Variants in PLCL1 observed in about 807,000 individuals in gnomAD.
PLCL1 encodes inactive phospholipase C-like protein 1.
Under a neutral mutation model 84.4 loss-of-function variants are expected in PLCL1, and 41 were observed. The ratio of observed to expected loss-of-function variants is 0.49; its 90% CI spans 0.38 to 0.63. The LOEUF is 0.63. Among genes scored for constraint, PLCL1 ranks in the 30% least tolerant of loss-of-function variants. The probability of loss-of-function intolerance (pLI) is 0.00; values close to 1 mark genes in which losing one functional copy is unlikely to be tolerated. For synonymous variants in PLCL1, 490 were observed against 488.3 expected (o/e 1.00, Z -0.05); for missense variants, 1,206 against 1,367.8 (o/e 0.88, Z 1.87).
intron 1 of PLCL1, among the ~76,000 whole-genome samples, chr2:197,990,133 C>T (rs1384955441): frequency 6.6e-6 from 1 of 151,984 alleles, no homozygotes; most frequent in East Asian, 1.9e-4. Flanking sequence ...GAGCAGCAGA[C>T]CACTTGAGGA....
intron 1 of PLCL1, among the ~76,000 whole-genome samples, chr2:197,996,589 G>T (rs1311705724): frequency 6.6e-6 from 1 of 151,634 alleles, no homozygotes; most frequent in African/African-American, 2.4e-5. Flanking sequence ...ACCTAAAACT[G>T]CTCTAAAAAT....
At chr2:198,067,348 G>A (rs140533068) in intron 1 of PLCL1, among the ~76,000 whole-genome samples, 4,555 of 151,888 alleles carry the variant, frequency 0.03, 104 homozygotes, top group Middle Eastern at 0.068. Flanking sequence ...GGCTGGTCTC[G>A]AACTCCTAAC....
intron 1 of PLCL1, among the ~76,000 whole-genome samples, chr2:197,965,913 C>T (rs140110468): frequency 1.4e-3 from 214 of 152,140 alleles, no homozygotes; most frequent in Non-Finnish European, 2.5e-3. Flanking sequence ...GTTAGAGTCT[C>T]ACCCAAGGCC....
At chr2:197,970,347 G>A (rs1689836110) in intron 1 of PLCL1, among the ~76,000 whole-genome samples, 1 of 152,190 alleles carries the variant, frequency 6.6e-6, no homozygotes, top group Non-Finnish European at 1.5e-5. Flanking sequence ...ATTCATGAGA[G>A]TGCAGTCCCC....
At chr2:197,903,205 A>T (rs1688301128) in intron 1 of PLCL1, among the ~76,000 whole-genome samples, 1 of 152,148 alleles carries the variant, frequency 6.6e-6, no homozygotes, top group Admixed American at 6.5e-5. Context: ...GGATTTTCAG[A>T]ACATATGATC....
At chr2:197,974,992 T>A (rs1259601270) in intron 1 of PLCL1, among the ~76,000 whole-genome samples, 2 of 151,400 alleles carry the variant, frequency 1.3e-5, no homozygotes, top group Admixed American at 1.3e-4. Flanking sequence ...ATACAAAAAA[T>A]TAGCCGGGCG....
rs551208398 is a variant in PLCL1, at chr2:197,810,669, A to C, written c.240+5330A>C. On this transcript the variant is annotated intron_variant, in intron 1 of 5. Coordinates refer to ENST00000428675, the MANE Select transcript of PLCL1 (RefSeq NM_006226.4). ...GCCGACCTTACCTTGGTGCTACTGA[A>C]CAAGCAATTCATTAACTGCTTCTAG... Among the ~76,000 whole-genome samples the C allele has an allele frequency of 1.1e-4, 17 of 152,340 alleles. No individual in the cohort carries two copies. The South Asian group carries it at 3.5e-3, about 32-fold the overall frequency.
chr2:198,024,639 T>C (rs1229008830), intron 1 of PLCL1, among the ~76,000 whole-genome samples: 1 of 152,026 alleles, frequency 6.6e-6, no homozygotes, highest in Non-Finnish European at 1.5e-5. Flanking sequence ...GACACATGCC[T>C]GTGATCCCTG....
chr2:197,829,601 A>G (rs567574123), intron 1 of PLCL1, among the ~76,000 whole-genome samples: 2 of 152,294 alleles, frequency 1.3e-5, no homozygotes, highest in African/African-American at 4.8e-5. Flanking sequence ...CTGTTCTATT[A>G]TAAGTAGTAT....
chr2:198,039,560 T>C (rs1691613712), intron 1 of PLCL1, among the ~76,000 whole-genome samples: 1 of 152,222 alleles, frequency 6.6e-6, no homozygotes, highest in Non-Finnish European at 1.5e-5. Context: ...CTTCTATTTT[T>C]GTTTTATTGG....
At chr2:197,837,635 GCATCTAGT>G (rs1482127203) in intron 1 of PLCL1, among the ~76,000 whole-genome samples, 1 of 152,208 alleles carries the variant, frequency 6.6e-6, no homozygotes, top group Non-Finnish European at 1.5e-5. Context: ...CTGTAGAAAG[GCATCTAGT>G]TATGACTGGC....
At chr2:198,100,085 T>C (rs1469934220) in intron 3 of PLCL1, among the ~76,000 whole-genome samples, 1 of 152,062 alleles carries the variant, frequency 6.6e-6, no homozygotes, top group Non-Finnish European at 1.5e-5. Context: ...TGGTCAGTAA[T>C]AAATAAAATG....
intron 1 of PLCL1, among the ~76,000 whole-genome samples, chr2:197,827,259 C>A (rs72918839): frequency 6.6e-6 from 1 of 152,068 alleles, no homozygotes; most frequent in South Asian, 2.1e-4. Flanking sequence ...GGTCAGGAGG[C>A]CCAGTGCAAT....
intron 1 of PLCL1, among the ~76,000 whole-genome samples, chr2:198,030,315 T>C (rs905482936): frequency 3.3e-5 from 5 of 152,178 alleles, no homozygotes; most frequent in Admixed American, 6.5e-5. Context: ...GGCCTCCATC[T>C]CTGTCTTTCT....
chr2:198,056,442 T>C (rs1468293864), intron 1 of PLCL1, among the ~76,000 whole-genome samples: 1 of 152,218 alleles, frequency 6.6e-6, no homozygotes, highest in Non-Finnish European at 1.5e-5. Flanking sequence ...CAGACAGACC[T>C]AGGATTACAT....
chr2:197,972,638 A>G (rs908754497), intron 1 of PLCL1, among the ~76,000 whole-genome samples: 1 of 152,196 alleles, frequency 6.6e-6, no homozygotes. Context: ...CAAGCCGTTT[A>G]CATTTTCTGG....
intron 1 of PLCL1, among the ~76,000 whole-genome samples, chr2:197,942,290 T>TA (rs1689173229): frequency 2.0e-5 from 3 of 152,152 alleles, no homozygotes; most frequent in Non-Finnish European, 2.9e-5. Flanking sequence ...TTTAACTTTT[T>TA]TAAAAAATTG....
chr2:198,010,750 C>T (rs1690849547), intron 1 of PLCL1, among the ~76,000 whole-genome samples: 2 of 150,648 alleles, frequency 1.3e-5, no homozygotes, highest in Non-Finnish European at 3.0e-5. Flanking sequence ...GTATTTGATA[C>T]AATTATTCAG....
intron 1 of PLCL1, among the ~76,000 whole-genome samples, chr2:197,988,280 C>A (rs113886602): frequency 0.029 from 4,357 of 152,198 alleles, 223 homozygotes; most frequent in African/African-American, 0.099. Context: ...TTTTTGGTTA[C>A]ATGGATGAAT....
Sources: allele counts gnomAD v4.1 joint callset (sites outside exome capture counted in the v4.1 genomes callset), GRCh38; gene constraint gnomAD v4.1.1; transcripts MANE v1.5; gene names NCBI Gene and HGNC (gene_info 2026-07-23, HGNC 2026-07-21).